Variants in PTTG1IP observed in about 807,000 individuals in gnomAD.
The protein encoded by PTTG1IP is pituitary tumor-transforming gene 1 protein-interacting protein.
PTTG1IP carries 16 observed loss-of-function variants against 24.4 expected under a neutral mutation model. The observed-to-expected ratio is 0.66, with a 90% CI of 0.44 to 1.00. The LOEUF is 1.00. Ranked by LOEUF, PTTG1IP falls within the 50% of genes least tolerant of loss-of-function variation. PTTG1IP has a pLI of 0.00. For synonymous variants in PTTG1IP, 89 were observed against 96.8 expected (o/e 0.92, Z 0.47); for missense variants, 241 against 245.8 (o/e 0.98, Z 0.13).
chr21:44,853,186 G>A (rs936370356), intron 5 of PTTG1IP, among the ~76,000 whole-genome samples: 1 of 152,168 alleles, frequency 6.6e-6, no homozygotes, highest in Non-Finnish European at 1.5e-5. Context: ...GTGCGTGTGT[G>A]TGTATCCACC....
rs1415031389 is a variant in PTTG1IP at position 44,861,274 on chromosome 21, G to A, written c.169-3C>T. The A allele has an allele frequency of 2.5e-6, 4 of 1,606,496 alleles. No individual in the cohort carries two copies. The highest frequency in any genetic ancestry group is 3.4e-6 in the Non-Finnish European group (4 of 1,174,120). On this transcript the variant is annotated splice_polypyrimidine_tract_variant and splice_region_variant and intron_variant, in intron 2 of 5. Coordinates refer to ENST00000330938, the MANE Select transcript of PTTG1IP (RefSeq NM_004339.4). Reference sequence around the variant, plus strand: ...TTGTTAGTGTTGCACCAAAGACACTGAAAGAGACCAACATTAAGCAAGCAT... The same window carrying A: ...TTGTTAGTGTTGCACCAAAGACACTAAAAGAGACCAACATTAAGCAAGCAT...
intron 1 of PTTG1IP, 53 bp from the exon 2 acceptor site, chr21:44,865,500 AT>A: frequency 1.9e-6 from 3 of 1,589,396 alleles, no homozygotes; most frequent in Non-Finnish European, 2.6e-6. Flanking sequence ...GGCAGTGTAA[AT>A]ATTAGTCCAG....
intron 5 of PTTG1IP, among the ~76,000 whole-genome samples, chr21:44,854,991 T>C (rs771994071): frequency 6.6e-6 from 1 of 152,212 alleles, no homozygotes; most frequent in Non-Finnish European, 1.5e-5. Flanking sequence ...GAAAACAGAC[T>C]TCATGAAGAC....
intron 4 of PTTG1IP, among the ~76,000 whole-genome samples, chr21:44,855,542 G>C (rs1021525096): frequency 1.3e-5 from 2 of 152,182 alleles, no homozygotes; most frequent in Non-Finnish European, 2.9e-5. Context: ...TTTTTAAAAA[G>C]CTTTTTTCAT....
chr21:44,862,424 C>G (rs2083499278), intron 2 of PTTG1IP, among the ~76,000 whole-genome samples: 1 of 152,216 alleles, frequency 6.6e-6, no homozygotes, highest in Non-Finnish European at 1.5e-5. Flanking sequence ...GAGGCTGAGG[C>G]AGGAGAATCG....
intron 1 of PTTG1IP, among the ~76,000 whole-genome samples, chr21:44,872,592 T>C (rs986979199): frequency 1.3e-5 from 2 of 152,252 alleles, no homozygotes; most frequent in East Asian, 3.9e-4. Flanking sequence ...CTCTCCAGCT[T>C]AGAACCTGCT....
intron 3 of PTTG1IP, among the ~76,000 whole-genome samples, chr21:44,860,719 C>A (rs972568023): frequency 7.9e-5 from 12 of 152,336 alleles, no homozygotes; most frequent in African/African-American, 2.9e-4. Context: ...GTCAGCAGAT[C>A]ACCCCTGGCT....
chr21:44,850,248 C>CA lies in PTTG1IP; in HGVS notation c.*1332dup, dbSNP rs1395686334. 3.3e-5 allele frequency: 5 copies of CA among 152,328 alleles called. No homozygotes were observed. The highest frequency in any genetic ancestry group is 1.2e-4 in the African/African-American group (5 of 41,572). 9.4% of individuals were successfully genotyped at this position (152,328 alleles called of 1,614,324 possible). On this transcript the variant is annotated 3_prime_UTR_variant, in exon 6 of 6. Coordinates refer to ENST00000330938, the MANE Select transcript of PTTG1IP (RefSeq NM_004339.4). Reference sequence around the variant, plus strand: ...GTGCTGCTGACCTACTTTCCCAAAGCAAAATGTTTTAAAATTCAAGGCAAT... The same window carrying CA: ...GTGCTGCTGACCTACTTTCCCAAAGCAAAAATGTTTTAAAATTCAAGGCAAT...
intron 3 of PTTG1IP, among the ~76,000 whole-genome samples, chr21:44,858,847 C>A (rs1455776241): frequency 6.6e-6 from 1 of 152,238 alleles, no homozygotes; most frequent in East Asian, 1.9e-4. Context: ...ACTAGATGGA[C>A]TGAACTTAGG....
chr21:44,867,354 T>G (rs2083550323), intron 1 of PTTG1IP, among the ~76,000 whole-genome samples: 1 of 151,610 alleles, frequency 6.6e-6, no homozygotes, highest in Admixed American at 6.6e-5. Context: ...CCCTACCGTG[T>G]AATTTCGTGG....
chr21:44,851,829 A>T (rs533648776), intron 5 of PTTG1IP, among the ~76,000 whole-genome samples: 1 of 152,352 alleles, frequency 6.6e-6, no homozygotes, highest in South Asian at 2.1e-4. Flanking sequence ...AATTTACTAG[A>T]AACAAGAACT....
chr21:44,863,279 G>GCCCGCC (rs2083508755), intron 2 of PTTG1IP, among the ~76,000 whole-genome samples: 3 of 121,020 alleles, frequency 2.5e-5, no homozygotes, highest in African/African-American at 1.0e-4. Flanking sequence ...GCAACACAGA[G>GCCCGCC]ACACACAGCC....
At chr21:44,859,434 G>C (rs776296390) in intron 3 of PTTG1IP, among the ~76,000 whole-genome samples, 7 of 151,194 alleles carry the variant, frequency 4.6e-5, no homozygotes, top group Non-Finnish European at 8.9e-5. Context: ...GGTCCATGTA[G>C]GCACACACGT....
chr21:44,870,219 T>C lies in PTTG1IP; in HGVS notation c.115+3283A>G, dbSNP rs965049400. 2.6e-5 allele frequency among the ~76,000 whole-genome samples: 4 copies of C among 152,252 alleles called. No individual in the cohort carries two copies. In the South Asian group the frequency reaches 6.2e-4, roughly 24 times the overall value. ...GATGAAAAAAGGTCATTCTATTCTA[T>C]CCTTTGAAAACATATCATCTTGCAT... is the stretch of plus-strand genomic sequence containing the variant. On this transcript the variant is annotated intron_variant, in intron 1 of 5. Transcript: ENST00000330938.
At chr21:44,859,842 G>C (rs943947206) in intron 3 of PTTG1IP, among the ~76,000 whole-genome samples, 2 of 152,204 alleles carry the variant, frequency 1.3e-5, no homozygotes, top group Non-Finnish European at 2.9e-5. Flanking sequence ...GAGGCTGATA[G>C]ATTTTGAAAT....
intron 5 of PTTG1IP, among the ~76,000 whole-genome samples, chr21:44,854,398 C>T (rs539125196): frequency 2.0e-5 from 3 of 152,326 alleles, no homozygotes; most frequent in East Asian, 1.9e-4. Context: ...CCCAGGACCA[C>T]GCACCTCGCA....
chr21:44,854,752 G>A (rs900667541), intron 5 of PTTG1IP, among the ~76,000 whole-genome samples: 3 of 152,162 alleles, frequency 2.0e-5, no homozygotes, highest in South Asian at 2.1e-4. Context: ...ACAGAACGCC[G>A]AGGCTGGGCG....
At chr21:44,862,689 A>G (rs1367704978) in intron 2 of PTTG1IP, among the ~76,000 whole-genome samples, 1 of 152,224 alleles carries the variant, frequency 6.6e-6, no homozygotes, top group Non-Finnish European at 1.5e-5. Context: ...GCAAAAGTCT[A>G]TTACAAAAAA....
chr21:44,865,552 A>G, intron 1 of PTTG1IP, 105 bp from the exon 2 acceptor site: 2 of 1,121,124 alleles, frequency 1.8e-6, no homozygotes, highest in East Asian at 4.9e-5. Context: ...GGCACCAAGA[A>G]CCTCTGATGT....
Sources: allele counts gnomAD v4.1 joint callset (sites outside exome capture counted in the v4.1 genomes callset), GRCh38; gene constraint gnomAD v4.1.1; transcripts MANE v1.5; gene names NCBI Gene and HGNC (gene_info 2026-07-23, HGNC 2026-07-21).